The following ITIH6 variants were observed in gnomAD, a reference collection of about 807,000 sequenced individuals.
The protein encoded by ITIH6 is inter-alpha-trypsin inhibitor heavy chain family member 6.
A neutral mutation model predicts 58.2 loss-of-function variants in ITIH6; 60 were observed. That is an observed-to-expected ratio of 1.03 (90% confidence interval 0.84 to 1.28). ITIH6 has a LOEUF of 1.28. Among genes scored for constraint, ITIH6 ranks in the 50% most tolerant of loss-of-function variants. ITIH6 has a pLI of 0.00. For synonymous variants in ITIH6, 493 were observed against 417.4 expected, an observed-to-expected ratio of 1.18 and a Z score of -2.21; for missense variants, 1,290 against 1,021.1, an observed-to-expected ratio of 1.26 and a Z score of -3.59.
At position 54,757,113 on chromosome X, in the gene ITIH6, C is replaced by A. The variant is rs376809892; in HGVS notation, c.2961G>T (p.Leu987Phe). ...CCTCAGGGAGGATGCTAGAAGGCAG[C>A]AAGATTGGCAGGTTTGGAGGGCTGC... ...PEGSPPNLPILLPSSILPEAI... is the reference protein window; with the variant it reads ...PEGSPPNLPIFLPSSILPEAI... The change falls in exon 8 of 13, where the codon TTG (leucine) becomes TTT (phenylalanine). Residue 987 changes from leucine (L) to phenylalanine (F), a missense_variant. Physicochemically the swap from Leu to Phe is conservative, Grantham distance 22. Coordinates refer to ENST00000218436, the MANE Select transcript of ITIH6 (RefSeq NM_198510.3). The A allele has an allele frequency of 5.0e-6, 6 of 1,209,854 alleles. No homozygotes were observed. The African/African-American group carries it at 1.1e-4, about 21-fold the overall frequency.
At position 54,751,337 on chromosome X, in the gene ITIH6, C is replaced by T. The variant is rs917219668; in HGVS notation, c.3396G>A (p.Pro1132=). The part of the protein sequence containing the change: ...SGKLLGAPPR[P]GHKDQTRTYF... ...AGGTGCGAGTCTGGTCCTTGTGGCC[C>T]GGCCTTGGTGGTGCGCCAAGCAGCT... Residue 1132 remains proline, a synonymous_variant, in exon 12 of 13, where the codon CCG becomes CCA. Coordinates refer to ENST00000218436, the MANE Select transcript of ITIH6 (RefSeq NM_198510.3). The T allele has an allele frequency of 5.0e-6, 6 of 1,211,900 alleles. No homozygotes were observed. Among genetic ancestry groups the T allele is most frequent in the Admixed American group, 2.2e-5 (1 of 46,105 alleles).
At chrX:54,753,629 A>G (rs1400349202) in intron 11 of ITIH6, 22 bp downstream of exon 11, 1 of 1,105,493 alleles carries the variant, frequency 9.0e-7, no homozygotes, top group African/African-American at 1.8e-5. Flanking sequence ...GTGTATGGTG[A>G]TGGAGTTCTT....
At chrX:54,788,114 CAA>C (rs1929273919) in intron 5 of ITIH6, among the ~76,000 whole-genome samples, 1 of 111,706 alleles carries the variant, frequency 9.0e-6, no homozygotes, top group African/African-American at 3.3e-5. Flanking sequence ...CAAGGAAGCC[CAA>C]GAGAACACAG....
chrX:54,757,482 T>C lies in ITIH6; in HGVS notation c.2592A>G (p.Gln864=). The change falls in exon 8 of 13, where the codon CAA becomes CAG. Residue 864 remains glutamine, a synonymous_variant. Transcript: ENST00000218436. Reference sequence around the variant, plus strand: ...TGGAAAGTGATATGCTTGTGGAAATTTGGTGTGGTGGGGCACTCGGTTTAA... The same window carrying C: ...TGGAAAGTGATATGCTTGTGGAAATCTGGTGTGGTGGGGCACTCGGTTTAA... ...LSLKPSAPPH[Q]ISTSISLSKP... The C allele has an allele frequency of 8.3e-7, 1 of 1,210,362 alleles. No individual in the cohort carries two copies. Among genetic ancestry groups the C allele is most frequent in the African/African-American group, 1.7e-5 (1 of 57,365 alleles).
chrX:54,764,610 T>C (rs1928728685), intron 6 of ITIH6, among the ~76,000 whole-genome samples: 1 of 102,159 alleles, frequency 9.8e-6, no homozygotes, highest in East Asian at 3.1e-4. Context: ...TATGGCTGCA[T>C]AGTATTCCAT....
Position 54,788,617 on chromosome X carries a change from C to A in ITIH6, c.649G>T (p.Glu217Ter), listed in dbSNP as rs777544505. The stretch of plus-strand genomic sequence containing the variant: ...ATTCGGACACAGGTCTCTCCCCTCT[C>A]GATCCTGGTGGATGGGGGTGAATCC... ...EVDSPPSTRI[E>*]RGETCVRITY... The change falls in exon 5 of 13, where the codon GAG (glutamate) becomes TAG (stop). Residue 217 changes from glutamate (E) to a stop codon, truncating the protein, a stop_gained. Transcript: ENST00000218436. LOFTEE classifies it high-confidence loss of function. 4 of 1,210,481 alleles carry A rather than the reference C, an allele frequency of 3.3e-6. No individual in the cohort carries two copies. The highest frequency in any genetic ancestry group is 4.5e-6 in the Non-Finnish European group (4 of 894,712).
rs759503941 is a variant in ITIH6, at chrX:54,772,361, G to A, written c.903+1720C>T. ...GGGGCCTACTTGAGGGTGGAAGTTCGGAGAAGAGTGAAGATTGAAAAATGA... is the reference window on the plus strand; with the variant it reads ...GGGGCCTACTTGAGGGTGGAAGTTCAGAGAAGAGTGAAGATTGAAAAATGA... On this transcript the variant is annotated intron_variant, in intron 6 of 12. Coordinates refer to ENST00000218436, the MANE Select transcript of ITIH6 (RefSeq NM_198510.3). Among the ~76,000 whole-genome samples, 15 of 111,856 alleles carry A rather than the reference G, an allele frequency of 1.3e-4. No individual in the cohort carries two copies. In the East Asian group the frequency reaches 1.7e-3, roughly 13 times the overall value.
intron 5 of ITIH6, 71 bp downstream of exon 5, chrX:54,788,409 G>A: frequency 1.1e-6 from 1 of 946,563 alleles, no homozygotes; most frequent in Non-Finnish European, 1.5e-6. Context: ...GTGAACAGCT[G>A]GAGAGGCCTA....
chrX:54,755,790 T>G (rs1485541651), intron 8 of ITIH6, among the ~76,000 whole-genome samples: 1 of 109,278 alleles, frequency 9.2e-6, no homozygotes, highest in East Asian at 2.9e-4. Flanking sequence ...GGAATGGGGG[T>G]AGGGAGCAGA....
intron 5 of ITIH6, chrX:54,787,673 C>A (rs181500102): frequency 1.5e-3 from 172 of 111,654 alleles, no homozygotes; most frequent in African/African-American, 5.4e-3. Flanking sequence ...TGTTGGTGGA[C>A]TGGAGTCATC....
chrX:54,773,544 T>C (rs1341647711), intron 6 of ITIH6, among the ~76,000 whole-genome samples: 1 of 111,488 alleles, frequency 9.0e-6, no homozygotes, highest in Non-Finnish European at 1.9e-5. Flanking sequence ...ATTCAGGGAC[T>C]AAAGTCAAAG....
chrX:54,777,134 G>T (rs1362498592), intron 5 of ITIH6, among the ~76,000 whole-genome samples: 3 of 112,269 alleles, frequency 2.7e-5, no homozygotes, highest in Non-Finnish European at 5.6e-5. Context: ...AAGAACCTTT[G>T]GGCCTTAAGG....
chrX:54,778,974 T>C (rs1034944969), intron 5 of ITIH6, among the ~76,000 whole-genome samples: 1 of 112,459 alleles, frequency 8.9e-6, no homozygotes, highest in Non-Finnish European at 1.9e-5. Context: ...GAGAGTGTCA[T>C]GATGTATTTA....
rs1928545847 is a variant in ITIH6, at chrX:54,758,132, C to G, written c.1942G>C (p.Ala648Pro). The G allele has an allele frequency of 5.0e-6, 6 of 1,211,760 alleles. No homozygotes were observed. Among genetic ancestry groups the G allele is most frequent in the Non-Finnish European group, 6.7e-6 (6 of 895,490 alleles). The change falls in exon 8 of 13, where the codon GCT becomes CCT. Residue 648 changes from alanine to proline, a missense_variant. Transcript: ENST00000218436. ...SSRHGLGVST[A>P]QPALVPKVIS... Reference sequence around the variant, plus strand: ...ACCTTGGGCACCAAGGCTGGCTGAGCTGTGCTTACCCCTAGGCCATGCCTG... The same window carrying G: ...ACCTTGGGCACCAAGGCTGGCTGAGGTGTGCTTACCCCTAGGCCATGCCTG...
At chrX:54,770,252 G>A (rs762901222) in intron 6 of ITIH6, among the ~76,000 whole-genome samples, 49 of 112,490 alleles carry the variant, frequency 4.4e-4, no homozygotes, top group African/African-American at 1.0e-3. Context: ...CATGGTGCGC[G>A]CACCCACTGG....
Position 54,758,412 on chromosome X carries a change from G to A in ITIH6, c.1662C>T (p.Pro554=). The A allele has an allele frequency of 8.3e-7, 1 of 1,210,179 alleles. No homozygotes were observed. The highest frequency in any genetic ancestry group is 2.2e-5 in the Admixed American group (1 of 45,973). Residue 554 remains proline, a synonymous_variant, in exon 8 of 13, where the codon CCC becomes CCT. Transcript: ENST00000218436. ...GGCGGCGGATGAAGTGGGCCACATT[G>A]GGGGCTGGCTCCCCTGGGCAACCAA... ...KAFGCPGEPA[P]NVAHFIRRLW...
At chrX:54,773,137 A>G (rs1928986287) in intron 6 of ITIH6, among the ~76,000 whole-genome samples, 1 of 111,692 alleles carries the variant, frequency 9.0e-6, no homozygotes, top group Non-Finnish European at 1.9e-5. Context: ...ACTTTCCGTT[A>G]TTGCCGAGGA....
Position 54,757,818 on chromosome X carries a change from T to C in ITIH6, c.2256A>G (p.Leu752=). ...GGACTTGTGTCCTGGAGTTCGTGGG[T>C]AATATATCAGGATTCTGGTGTGATA... is the stretch of plus-strand genomic sequence containing the variant. ...GSLSHQNPDI[L]PTNSRTQVPP... is the part of the protein sequence containing the mutation. The change falls in exon 8 of 13, where the codon TTA becomes TTG. Residue 752 remains leucine (L), a synonymous_variant. Transcript: ENST00000218436. The C allele has an allele frequency of 8.3e-7, 1 of 1,210,666 alleles. No individual in the cohort carries two copies. Among genetic ancestry groups the C allele is most frequent in the East Asian group, 3.0e-5 (1 of 33,799 alleles).
intron 5 of ITIH6, among the ~76,000 whole-genome samples, chrX:54,775,840 C>A (rs1330164550): frequency 9.0e-6 from 1 of 111,507 alleles, no homozygotes; most frequent in African/African-American, 3.3e-5. Flanking sequence ...AACTTGCCTC[C>A]AAACTCAATG....
Sources: gnomAD v4.1 joint callset for allele counts (sites outside exome capture counted in the v4.1 genomes callset) on GRCh38, gnomAD v4.1.1 for gene constraint, MANE v1.5 for transcripts, NCBI Gene and HGNC (gene_info 2026-07-23, HGNC 2026-07-21) for gene names.